SYNCRIP: variants seen among roughly 807,000 people sequenced by gnomAD.
SYNCRIP encodes the protein heterogeneous nuclear ribonucleoprotein Q.
Under a neutral mutation model 68.9 loss-of-function variants are expected in SYNCRIP, and 9 were observed. The ratio of observed to expected loss-of-function variants is 0.13; its 90% CI spans 0.08 to 0.23. SYNCRIP has a LOEUF of 0.23. Ranked by LOEUF, SYNCRIP falls within the 10% of genes least tolerant of loss-of-function variation. SYNCRIP has a pLI of 1.00. For synonymous variants in SYNCRIP, 258 were observed against 254.0 expected (o/e 1.02, Z -0.15); for missense variants, 414 against 770.6 (o/e 0.54, Z 5.48).
intron 10 of SYNCRIP, among the ~76,000 whole-genome samples, chr6:85,618,605 T>A (rs1806054173): frequency 6.6e-6 from 1 of 152,132 alleles, no homozygotes; most frequent in African/African-American, 2.4e-5. Flanking sequence ...AAATTCCAGT[T>A]ATTTACAATT....
At chr6:85,623,631 A>T (rs1171524051) in intron 7 of SYNCRIP, among the ~76,000 whole-genome samples, 1 of 150,908 alleles carries the variant, frequency 6.6e-6, no homozygotes, top group East Asian at 2.0e-4. Context: ...CAAGAACATC[A>T]AATCATTATT....
chr6:85,638,528 T>C (rs1288988684), intron 4 of SYNCRIP, among the ~76,000 whole-genome samples: 1 of 152,038 alleles, frequency 6.6e-6, no homozygotes, highest in Non-Finnish European at 1.5e-5. Context: ...GCTAGGACAT[T>C]CTGAAATAAA....
upstream of SYNCRIP, chr6:85,643,692 G>A (rs1487576727): frequency 1.3e-5 from 2 of 151,622 alleles, no homozygotes; most frequent in African/African-American, 4.8e-5. Flanking sequence ...GTCCGGGGCT[G>A]GCGGGGCAGA....
intron 8 of SYNCRIP, 83 bp downstream of exon 8, chr6:85,622,399 T>G: frequency 7.8e-7 from 1 of 1,284,494 alleles, no homozygotes; most frequent in Non-Finnish European, 1.1e-6. Context: ...ATGTATACTG[T>G]TCATTTTATG....
intron 6 of SYNCRIP, among the ~76,000 whole-genome samples, chr6:85,630,806 A>G (rs1466705496): frequency 2.0e-5 from 3 of 152,226 alleles, no homozygotes; most frequent in Non-Finnish European, 2.9e-5. Flanking sequence ...AATGTTAGGG[A>G]AAAAGGAAAA....
chr6:85,632,978 C>A (rs1016823397), intron 6 of SYNCRIP, among the ~76,000 whole-genome samples: 1 of 151,722 alleles, frequency 6.6e-6, no homozygotes, highest in South Asian at 2.1e-4. Context: ...TAAGGCCGGG[C>A]GCGGTGGCTC....
chr6:85,638,169 C>G (rs1808685054), intron 4 of SYNCRIP, among the ~76,000 whole-genome samples: 1 of 151,922 alleles, frequency 6.6e-6, no homozygotes, highest in Non-Finnish European at 1.5e-5. Flanking sequence ...ATCAGGAGCT[C>G]AAGACCAGCC....
downstream of SYNCRIP, among the ~76,000 whole-genome samples, chr6:85,613,223 T>C (rs1805389010): frequency 6.6e-6 from 1 of 151,710 alleles, no homozygotes; most frequent in African/African-American, 2.4e-5. Flanking sequence ...GAAACCTAAA[T>C]GAAGTCACAC....
chr6:85,628,581 A>G (rs1807335191), intron 6 of SYNCRIP, among the ~76,000 whole-genome samples: 1 of 152,192 alleles, frequency 6.6e-6, no homozygotes, highest in African/African-American at 2.4e-5. Context: ...ATTCTAACAC[A>G]ATACTGTAAA....
At chr6:85,619,989 G>A (rs1046897751) in intron 8 of SYNCRIP, among the ~76,000 whole-genome samples, 3 of 152,156 alleles carry the variant, frequency 2.0e-5, no homozygotes, top group Non-Finnish European at 2.9e-5. Flanking sequence ...GCTCACACCC[G>A]TAATCCCAGC....
chr6:85,627,686 G>GCA (rs538631071), intron 6 of SYNCRIP, among the ~76,000 whole-genome samples: 9 of 152,178 alleles, frequency 5.9e-5, no homozygotes, highest in South Asian at 2.1e-4. Context: ...AAAAAAACGA[G>GCA]CACACACACA....
intron 6 of SYNCRIP, among the ~76,000 whole-genome samples, chr6:85,633,955 G>T (rs1361985123): frequency 3.3e-5 from 5 of 152,114 alleles, no homozygotes; most frequent in African/African-American, 1.2e-4. Context: ...AAAATGCAAA[G>T]TCTCCTATTA....
At chr6:85,626,972 T>C (rs13194512) in intron 6 of SYNCRIP, among the ~76,000 whole-genome samples, 12,547 of 152,134 alleles carry the variant, frequency 0.082, 846 homozygotes, top group East Asian at 0.22. Flanking sequence ...ATTTTTTCAA[T>C]TAAAAAACTT....
In SYNCRIP at chr6:85,615,357, A is replaced by G. The variant is rs767886553; in HGVS notation, c.1281-10T>C. 1.0e-5 allele frequency: 15 copies of G among 1,453,864 alleles called. No individual in the cohort carries two copies. The highest frequency in any genetic ancestry group is 1.4e-5 in the African/African-American group (1 of 70,392). The allele number at this position is 1,453,864 out of a possible 1,614,324, so 90.1% of individuals were successfully genotyped here. ...GTAGTAATCGTCATACCTATTAAAA[A>G]AGAGACAGAGATTAGAGTTTAAATC... is the stretch of plus-strand genomic sequence containing the variant. On this transcript the variant is annotated splice_polypyrimidine_tract_variant and intron_variant, in intron 10 of 10. Coordinates refer to ENST00000369622, the MANE Select transcript of SYNCRIP (RefSeq NM_006372.5).
intron 7 of SYNCRIP, 60 bp from the exon 8 acceptor site, chr6:85,622,747 T>G (rs1806556100): frequency 1.5e-6 from 2 of 1,337,218 alleles, no homozygotes; most frequent in Admixed American, 3.5e-5. Context: ...TACAAGTGGA[T>G]CAAAGGATTT....
intron 6 of SYNCRIP, among the ~76,000 whole-genome samples, chr6:85,629,683 G>A (rs546187243): frequency 6.2e-4 from 94 of 152,174 alleles, no homozygotes; most frequent in Middle Eastern, 3.4e-3. Flanking sequence ...TTAGCCAGGC[G>A]TGGTGGTGCT....
At chr6:85,612,542 T>A (rs1805323897), downstream of SYNCRIP, 1 of 179,212 alleles carries the variant, frequency 5.6e-6, no homozygotes, top group Non-Finnish European at 1.2e-5. Flanking sequence ...GATCCTTAAT[T>A]TAAAAAAGGG....
intron 6 of SYNCRIP, among the ~76,000 whole-genome samples, chr6:85,624,877 C>G (rs574183969): frequency 1.3e-5 from 2 of 152,238 alleles, no homozygotes; most frequent in Admixed American, 1.3e-4. Flanking sequence ...AAAACCACAC[C>G]TCAAAATTTG....
downstream of SYNCRIP, chr6:85,610,880 G>A (rs1805186211): frequency 6.6e-6 from 1 of 151,998 alleles, no homozygotes; most frequent in African/African-American, 2.4e-5. Context: ...TAAGTTTTGA[G>A]AGAGATGTAC....
Sources: allele counts gnomAD v4.1 joint callset (sites outside exome capture counted in the v4.1 genomes callset), GRCh38; gene constraint gnomAD v4.1.1; transcripts MANE v1.5; gene names NCBI Gene and HGNC (gene_info 2026-07-23, HGNC 2026-07-21).